The following NKAIN3 variants were observed in gnomAD, a reference collection of about 807,000 sequenced individuals.
NKAIN3 encodes sodium/potassium-transporting ATPase subunit beta-1-interacting protein 3.
In NKAIN3, 25 loss-of-function variants were observed where a neutral mutation model predicts 30.2. That is an observed-to-expected ratio of 0.83 (90% CI 0.60 to 1.16). The LOEUF (loss-of-function observed/expected upper bound fraction) is 1.16. NKAIN3 is among the 50% of genes most tolerant of loss of function. The probability of loss-of-function intolerance (pLI) is 0.00; values close to 1 mark genes in which losing one functional copy is unlikely to be tolerated. For synonymous variants in NKAIN3, 91 were observed against 89.6 expected (o/e 1.02, Z -0.09); for missense variants, 225 against 254.1 (o/e 0.89, Z 0.78).
intron 1 of NKAIN3, among the ~76,000 whole-genome samples, chr8:62,394,255 T>A (rs556219653): frequency 9.9e-5 from 15 of 152,282 alleles, no homozygotes; most frequent in Admixed American, 7.2e-4. Context: ...CATTTTTTTT[T>A]AAATCATGAA....
At chr8:62,729,910 G>C (rs937468107) in intron 3 of NKAIN3, among the ~76,000 whole-genome samples, 13 of 152,200 alleles carry the variant, frequency 8.5e-5, no homozygotes, top group African/African-American at 3.1e-4. Flanking sequence ...TAAATGCAGA[G>C]AGTTAAATTG....
intron 1 of NKAIN3, among the ~76,000 whole-genome samples, chr8:62,403,685 C>A (rs919464942): frequency 1.3e-5 from 2 of 152,152 alleles, no homozygotes; most frequent in Non-Finnish European, 2.9e-5. Flanking sequence ...GGAAATGCCT[C>A]GATGTCAGGC....
At chr8:62,283,880 G>T (rs564166653) in intron 1 of NKAIN3, among the ~76,000 whole-genome samples, 3 of 151,920 alleles carry the variant, frequency 2.0e-5, no homozygotes, top group Admixed American at 6.6e-5. Context: ...CATATGAAAG[G>T]TTTTTTATTT....
At chr8:62,918,566 T>C in intron 5 of NKAIN3, 53 bp downstream of exon 5, 1 of 1,190,582 alleles carries the variant, frequency 8.4e-7, no homozygotes, top group South Asian at 1.2e-5. Flanking sequence ...AGATACAGCT[T>C]CCAAAACTAA....
intron 1 of NKAIN3, among the ~76,000 whole-genome samples, chr8:62,359,768 A>G (rs1242753857): frequency 6.6e-6 from 1 of 152,212 alleles, no homozygotes; most frequent in Non-Finnish European, 1.5e-5. Flanking sequence ...GGCTACACAG[A>G]CAGCACACTA....
At chr8:62,556,655 G>T (rs928880676) in intron 1 of NKAIN3, among the ~76,000 whole-genome samples, 44 of 151,866 alleles carry the variant, frequency 2.9e-4, no homozygotes, top group African/African-American at 9.9e-4. Context: ...ATATAGCTAT[G>T]CCAGATATAA....
At chr8:62,666,354 G>T (rs1207381992) in intron 3 of NKAIN3, among the ~76,000 whole-genome samples, 1 of 152,058 alleles carries the variant, frequency 6.6e-6, no homozygotes, top group African/African-American at 2.4e-5. Flanking sequence ...TTCAAAGTTT[G>T]ATCAACCATG....
At chr8:62,257,994 A>G (rs1478608027) in intron 1 of NKAIN3, among the ~76,000 whole-genome samples, 1 of 152,132 alleles carries the variant, frequency 6.6e-6, no homozygotes, top group East Asian at 1.9e-4. Context: ...CAGAACATCA[A>G]TAGTCTTTGC....
At chr8:62,863,108 C>T in intron 4 of NKAIN3, 1 of 1,328,680 alleles carries the variant, frequency 7.5e-7, no homozygotes, top group Non-Finnish European at 1.1e-6. Context: ...TATTCCCCAT[C>T]CTGCTCATTG....
At position 62,480,688 on chromosome 8, in the gene NKAIN3, A is replaced by G. The variant is rs914435584; in HGVS notation, c.55-98851A>G. ...GGCCCTAGATTTCTATTTAAATGGCAGTCCTGAGTTGTACCCAGAAAATCA... is the reference window on the plus strand; with the variant it reads ...GGCCCTAGATTTCTATTTAAATGGCGGTCCTGAGTTGTACCCAGAAAATCA... On this transcript the variant is annotated intron_variant, in intron 1 of 6. Coordinates refer to ENST00000623646, the MANE Select transcript of NKAIN3 (RefSeq NM_001304533.3). Among the ~76,000 whole-genome samples, 13 of 152,320 alleles carry G rather than the reference A, an allele frequency of 8.5e-5. No individual in the cohort carries two copies. In the South Asian group the frequency reaches 2.5e-3, roughly 29 times the overall value.
At chr8:62,914,950 T>C (rs931937294) in intron 4 of NKAIN3, among the ~76,000 whole-genome samples, 1 of 152,034 alleles carries the variant, frequency 6.6e-6, no homozygotes, top group African/African-American at 2.4e-5. Flanking sequence ...GCTCTCCCTC[T>C]CCTTGCCCCC....
intron 3 of NKAIN3, among the ~76,000 whole-genome samples, chr8:62,674,447 T>C (rs969107256): frequency 6.6e-6 from 1 of 152,196 alleles, no homozygotes; most frequent in African/African-American, 2.4e-5. Flanking sequence ...CCTCTACTAA[T>C]GAAGCTCTTT....
At chr8:62,492,621 T>A (rs1807106163) in intron 1 of NKAIN3, among the ~76,000 whole-genome samples, 1 of 152,186 alleles carries the variant, frequency 6.6e-6, no homozygotes, top group African/African-American at 2.4e-5. Context: ...CAAATGTTCT[T>A]ACTTGTTACT....
At chr8:62,475,260 A>T (rs762945324) in intron 1 of NKAIN3, among the ~76,000 whole-genome samples, 1 of 152,208 alleles carries the variant, frequency 6.6e-6, no homozygotes, top group Non-Finnish European at 1.5e-5. Context: ...ATTTGGAAAC[A>T]TACCTGACAC....
At position 62,990,400 on chromosome 8, in the gene NKAIN3, T is replaced by G. The variant is rs960549829; in HGVS notation, c.533-8831T>G. The G allele has an allele frequency of 7.7e-5, 84 of 1,086,974 alleles. No individual in the cohort carries two copies. In the African/African-American group the frequency reaches 1.4e-3, roughly 18 times the overall value. The allele number at this position is 1,086,974 out of a possible 1,614,324, so 67.3% of individuals were successfully genotyped here. On this transcript the variant is annotated intron_variant, in intron 5 of 5. Transcript: ENST00000519049. Reference sequence around the variant, plus strand: ...ATATAAATTTTATGAAAAGCATAGGTTTTTTTTTAACCAGCAGTGCTCTTT... The same window carrying G: ...ATATAAATTTTATGAAAAGCATAGGGTTTTTTTTAACCAGCAGTGCTCTTT...
At chr8:62,741,677 C>A (rs1472064022) in intron 3 of NKAIN3, among the ~76,000 whole-genome samples, 1 of 152,168 alleles carries the variant, frequency 6.6e-6, no homozygotes, top group East Asian at 1.9e-4. Flanking sequence ...CACTCTTTTT[C>A]CAAATAAGTA....
Position 62,249,009 on chromosome 8 carries a change from G to T in NKAIN3, c.-65G>T. ...CCGGGCGGGGACTACTCCGGAGTCAGGAGGCAGCAGCGGCGGAGGACGAGG... is the reference window on the plus strand; with the variant it reads ...CCGGGCGGGGACTACTCCGGAGTCATGAGGCAGCAGCGGCGGAGGACGAGG... On this transcript the variant is annotated 5_prime_UTR_variant, in exon 1 of 7. It adds an upstream start codon to the 5' untranslated region. Transcript: ENST00000623646. 1 of 1,437,004 alleles carries T rather than the reference G, an allele frequency of 7.0e-7. No homozygotes were observed. Among genetic ancestry groups the T allele is most frequent in the Non-Finnish European group, 9.4e-7 (1 of 1,059,572 alleles). 89.0% of individuals were successfully genotyped at this position (1,437,004 alleles called of 1,614,324 possible). A position where few individuals can be genotyped will look rare whatever the true frequency, so the allele number is the denominator to read the frequency against.
intron 1 of NKAIN3, among the ~76,000 whole-genome samples, chr8:62,349,506 G>T (rs77267407): frequency 0.076 from 11,615 of 152,224 alleles, 551 homozygotes; most frequent in African/African-American, 0.11. Context: ...TTAAATAGAA[G>T]GTTTAGGTAA....
At chr8:62,860,130 G>C (rs972545022) in intron 4 of NKAIN3, among the ~76,000 whole-genome samples, 4 of 152,200 alleles carry the variant, frequency 2.6e-5, no homozygotes, top group Non-Finnish European at 5.9e-5. Flanking sequence ...GCTGACTGTA[G>C]AGTAGCGACC....
Sources: allele counts gnomAD v4.1 joint callset (sites outside exome capture counted in the v4.1 genomes callset), GRCh38; gene constraint gnomAD v4.1.1; transcripts MANE v1.5; gene names NCBI Gene and HGNC (gene_info 2026-07-23, HGNC 2026-07-21).